Variants in STPG4 observed in about 807,000 individuals in gnomAD.
The protein encoded by STPG4 is protein STPG4.
STPG4 carries 41 observed loss-of-function variants against 31.5 expected under a neutral mutation model. That is an observed-to-expected ratio of 1.30 (90% CI 1.01 to 1.69). The LOEUF (loss-of-function observed/expected upper bound fraction) is 1.69. STPG4 is among the 40% of genes most tolerant of loss of function. STPG4 has a pLI of 0.00. For synonymous variants in STPG4, 141 were observed against 103.0 expected (o/e 1.37, Z -2.24); for missense variants, 375 against 293.4 (o/e 1.28, Z -2.03).
chr2:47,099,254 G>C (rs112736936), intron 5 of STPG4, among the ~76,000 whole-genome samples: 1 of 152,174 alleles, frequency 6.6e-6, no homozygotes, highest in African/African-American at 2.4e-5. Context: ...AGGAGCAGAA[G>C]GCAACCCACA....
At chr2:47,131,658 G>A (rs1558683654) in intron 3 of STPG4, among the ~76,000 whole-genome samples, 1 of 152,152 alleles carries the variant, frequency 6.6e-6, no homozygotes. Flanking sequence ...AAATCCAACT[G>A]GGTGACCTCA....
At chr2:47,089,407 G>A (rs144921944) in intron 6 of STPG4, among the ~76,000 whole-genome samples, 3 of 152,318 alleles carry the variant, frequency 2.0e-5, no homozygotes, top group Non-Finnish European at 4.4e-5. Context: ...AGGCTAAGGA[G>A]GGCTACGGGA....
At chr2:47,107,215 G>A (rs1685930703) in intron 5 of STPG4, among the ~76,000 whole-genome samples, 1 of 152,086 alleles carries the variant, frequency 6.6e-6, no homozygotes, top group South Asian at 2.1e-4. Context: ...GCTGCACTGT[G>A]GGAGCCCCTT....
At chr2:47,087,471 C>G (rs986058685) in intron 6 of STPG4, among the ~76,000 whole-genome samples, 13 of 152,220 alleles carry the variant, frequency 8.5e-5, no homozygotes, top group African/African-American at 2.9e-4. Flanking sequence ...CAACTCCTAT[C>G]CCGAGGAATG....
Position 47,151,446 on chromosome 2 carries a change from C to T in STPG4, c.211G>A (p.Ala71Thr). 6.2e-7 allele frequency: 1 copy of T among 1,613,992 alleles called. No individual in the cohort carries two copies. The highest frequency in any genetic ancestry group is 2.2e-5 in the East Asian group (1 of 44,880). The change falls in exon 3 of 7, where the codon GCA becomes ACA. Residue 71 changes from alanine to threonine, a missense_variant. Physicochemically the swap from Ala to Thr is moderately conservative, Grantham distance 58. Transcript: ENST00000445927. ...CCTTCGTTTTTAAAATTGTAGGTTG[C>T]TATCACTGGATTTAATAGGGATTCT... ...IEESLLNPVI[A>T]TYNFKNEGRK...
intron 3 of STPG4, among the ~76,000 whole-genome samples, chr2:47,143,659 T>A (rs1380916117): frequency 6.6e-6 from 1 of 152,092 alleles, no homozygotes; most frequent in Non-Finnish European, 1.5e-5. Context: ...CTAATTTTTT[T>A]TTGTATTTTT....
At chr2:47,113,518 TA>T (rs1686082870) in intron 5 of STPG4, among the ~76,000 whole-genome samples, 1 of 152,252 alleles carries the variant, frequency 6.6e-6, no homozygotes, top group South Asian at 2.1e-4. Context: ...ACTAATATGT[TA>T]AAAAACATAT....
intron 3 of STPG4, among the ~76,000 whole-genome samples, chr2:47,132,527 A>T (rs2030772): frequency 0.14 from 21,946 of 152,158 alleles, 1,805 homozygotes; most frequent in African/African-American, 0.21. Flanking sequence ...ATACAAATTT[A>T]ATGGTGAAAT....
At position 47,151,511 on chromosome 2, in the gene STPG4, G is replaced by A. The variant is rs1686937360; in HGVS notation, c.146C>T (p.Thr49Ile). ...EGWWRIALTD[T>I]PIPGTYHLKT... is the part of the protein sequence containing the mutation. The stretch of plus-strand genomic sequence containing the variant: ...CAAGTGGTAAGTGCCAGGTATAGGA[G>A]TATCCTGTGGAAAATTGACATCAGT... The change falls in exon 3 of 7, where the codon ACT becomes ATT. Residue 49 changes from threonine to isoleucine, a missense_variant. Transcript: ENST00000445927. The A allele has an allele frequency of 6.2e-7, 1 of 1,612,458 alleles. No homozygotes were observed. Among genetic ancestry groups the A allele is most frequent in the Non-Finnish European group, 8.5e-7 (1 of 1,179,170 alleles).
chr2:47,144,075 C>T (rs895566612), intron 3 of STPG4, among the ~76,000 whole-genome samples: 1 of 152,182 alleles, frequency 6.6e-6, no homozygotes, highest in Non-Finnish European at 1.5e-5. Flanking sequence ...TTTAAACTGA[C>T]TTCAGGTTGT....
intron 5 of STPG4, among the ~76,000 whole-genome samples, chr2:47,117,701 G>A (rs1686179563): frequency 6.6e-6 from 1 of 152,174 alleles, no homozygotes; most frequent in South Asian, 2.1e-4. Flanking sequence ...GAAGCACAAA[G>A]AGAGCATTGA....
intron 3 of STPG4, among the ~76,000 whole-genome samples, chr2:47,136,058 A>C (rs1269800491): frequency 6.6e-6 from 1 of 152,222 alleles, no homozygotes; most frequent in African/African-American, 2.4e-5. Context: ...ATGGAATTTA[A>C]AGATCAAATT....
intron 5 of STPG4, among the ~76,000 whole-genome samples, chr2:47,092,392 G>T (rs557731507): frequency 3.3e-5 from 5 of 150,706 alleles, no homozygotes; most frequent in African/African-American, 9.8e-5. Flanking sequence ...GCCAGTTGTG[G>T]GGGTGTGTTC....
chr2:47,129,292 G>A (rs925893338), intron 5 of STPG4: 2 of 152,334 alleles, frequency 1.3e-5, no homozygotes, highest in African/African-American at 4.8e-5. Flanking sequence ...CCCAGCTGGT[G>A]TCTCACTAGG....
intron 2 of STPG4, among the ~76,000 whole-genome samples, chr2:47,152,199 AAT>A (rs1686952090): frequency 2.3e-5 from 1 of 44,234 alleles, no homozygotes; most frequent in Admixed American, 2.9e-4. Context: ...CTGCTTAGCC[AAT>A]GTAGGATGTT....
chr2:47,136,723 G>C (rs72808598), intron 3 of STPG4, among the ~76,000 whole-genome samples: 2 of 152,052 alleles, frequency 1.3e-5, no homozygotes, highest in Non-Finnish European at 2.9e-5. Context: ...TTGGTCAATG[G>C]AAGAGAGAGA....
intron 3 of STPG4, among the ~76,000 whole-genome samples, chr2:47,140,093 T>C (rs1461637936): frequency 6.6e-6 from 1 of 152,130 alleles, no homozygotes; most frequent in Non-Finnish European, 1.5e-5. Flanking sequence ...GTCTTTTTCA[T>C]GAGTCTCTAC....
chr2:47,115,660 T>C (rs1686134632), intron 5 of STPG4, among the ~76,000 whole-genome samples: 1 of 147,910 alleles, frequency 6.8e-6, no homozygotes, highest in African/African-American at 2.5e-5. Context: ...GGCTTTTTTT[T>C]TTTTTTTTTT....
chr2:47,142,661 T>C (rs914849195), intron 3 of STPG4, among the ~76,000 whole-genome samples: 1 of 152,090 alleles, frequency 6.6e-6, no homozygotes, highest in Non-Finnish European at 1.5e-5. Context: ...CTGTTGGTGA[T>C]TATGAAAGTA....
Sources: gnomAD v4.1 joint callset for allele counts (sites outside exome capture counted in the v4.1 genomes callset) on GRCh38, gnomAD v4.1.1 for gene constraint, MANE v1.5 for transcripts, NCBI Gene and HGNC (gene_info 2026-07-23, HGNC 2026-07-21) for gene names.